Variants in TOX3 observed in about 807,000 individuals in gnomAD.
The protein encoded by TOX3 is TOX high mobility group box family member 3.
Under a neutral mutation model 64.3 loss-of-function variants are expected in TOX3, and 22 were observed. The observed-to-expected ratio is 0.34, with a 90% CI of 0.24 to 0.49. The LOEUF is 0.49. Ranked by LOEUF, TOX3 falls within the 20% of genes least tolerant of loss-of-function variation. The pLI is 0.99. For synonymous variants in TOX3, 291 were observed against 273.6 expected (o/e 1.06, Z -0.63); for missense variants, 661 against 714.4 (o/e 0.93, Z 0.85).
intron 1 of TOX3, among the ~76,000 whole-genome samples, chr16:52,525,360 C>T (rs1962707317): frequency 6.6e-6 from 1 of 152,088 alleles, no homozygotes; most frequent in Non-Finnish European, 1.5e-5. Context: ...GAGTGCCTAC[C>T]TAAATTACTA....
At chr16:52,491,826 T>C (rs1046825958) in intron 1 of TOX3, among the ~76,000 whole-genome samples, 6 of 152,132 alleles carry the variant, frequency 3.9e-5, no homozygotes, top group African/African-American at 1.2e-4. Flanking sequence ...ATTCCTTTGG[T>C]TGGGTTTCAC....
intron 1 of TOX3, among the ~76,000 whole-genome samples, chr16:52,528,668 A>G (rs1962781249): frequency 6.6e-6 from 1 of 152,150 alleles, no homozygotes; most frequent in South Asian, 2.1e-4. Context: ...GAACCAACCT[A>G]AGGGGGAAGG....
chr16:52,459,800 A>G (rs929952687), intron 3 of TOX3, among the ~76,000 whole-genome samples: 1 of 152,186 alleles, frequency 6.6e-6, no homozygotes, highest in African/African-American at 2.4e-5. Context: ...AAAGTCTGCT[A>G]TTTCTCTTAA....
At chr16:52,469,333 CAAAACGT>C (rs1290406094) in intron 1 of TOX3, among the ~76,000 whole-genome samples, 1 of 152,164 alleles carries the variant, frequency 6.6e-6, no homozygotes, top group Admixed American at 6.5e-5. Context: ...GACCTGTTAT[CAAAACGT>C]AAAACTTGGA....
chr16:52,474,822 C>T lies in TOX3; in HGVS notation c.88-6248G>A, dbSNP rs74702283. ...CTGCTCAAAACTCTCCAATGGCTTC[C>T]GATTCATTCAAGGGAGATGCCCAAT... On this transcript the variant is annotated intron_variant, in intron 1 of 6. Coordinates refer to ENST00000219746, the MANE Select transcript of TOX3 (RefSeq NM_001080430.4). 2.6e-3 allele frequency among the ~76,000 whole-genome samples: 389 copies of T among 152,170 alleles called. 3 individuals are homozygous for T. Among genetic ancestry groups the T allele is most frequent in the African/African-American group, 9.1e-3 (379 of 41,508 alleles).
At chr16:52,465,002 A>ATTTTTTTTTTTT (rs1340719697) in intron 2 of TOX3, among the ~76,000 whole-genome samples, 5 of 60,966 alleles carry the variant, frequency 8.2e-5, no homozygotes, top group Admixed American at 3.5e-4. Flanking sequence ...GTCTTAATGC[A>ATTTTTTTTTTTT]TTCTTTTTTT....
intron 1 of TOX3, among the ~76,000 whole-genome samples, chr16:52,482,501 A>C (rs1961395230): frequency 6.6e-6 from 1 of 152,208 alleles, no homozygotes; most frequent in South Asian, 2.1e-4. Context: ...GGGAGGAAAA[A>C]CAGATGTAAA....
intron 3 of TOX3, 46 bp from the exon 4 acceptor site, chr16:52,450,592 A>T (rs1387000551): frequency 1.2e-6 from 2 of 1,609,704 alleles, no homozygotes; most frequent in Admixed American, 1.7e-5. Flanking sequence ...GCTTTTCCAG[A>T]TATCAGTGAA....
At chr16:52,514,782 C>T (rs1306949234) in intron 1 of TOX3, among the ~76,000 whole-genome samples, 4 of 151,924 alleles carry the variant, frequency 2.6e-5, no homozygotes, top group East Asian at 1.9e-4. Flanking sequence ...GAGGCCAAGG[C>T]GGGTGGATCA....
intron 1 of TOX3, among the ~76,000 whole-genome samples, chr16:52,485,492 T>TG (rs1255981922): frequency 6.6e-6 from 1 of 151,818 alleles, no homozygotes; most frequent in Non-Finnish European, 1.5e-5. Flanking sequence ...AAAAGGACGT[T>TG]GGGGGGTGAT....
At chr16:52,521,767 T>C (rs747362271) in intron 1 of TOX3, among the ~76,000 whole-genome samples, 3 of 152,144 alleles carry the variant, frequency 2.0e-5, no homozygotes, top group Non-Finnish European at 4.4e-5. Flanking sequence ...TTGTTAGAAA[T>C]GCAAATTCTT....
chr16:52,474,198 T>A (rs1449363111), intron 1 of TOX3, among the ~76,000 whole-genome samples: 1 of 152,130 alleles, frequency 6.6e-6, no homozygotes, highest in African/African-American at 2.4e-5. Flanking sequence ...TCTCTCTCTG[T>A]CTCCCTTCCT....
intron 1 of TOX3, among the ~76,000 whole-genome samples, chr16:52,485,497 G>T (rs1338035997): frequency 1.3e-5 from 2 of 151,718 alleles, no homozygotes; most frequent in African/African-American, 4.9e-5. Context: ...GACGTTGGGG[G>T]GTGATGAAGG....
At position 52,439,783 on chromosome 16, in the gene TOX3, T is replaced by C. The variant is rs2151737296; in HGVS notation, c.1173A>G (p.Arg391=). The change falls in exon 7 of 7, where the codon AGA becomes AGG. Residue 391 remains arginine, a synonymous_variant. Transcript: ENST00000219746. ...ATGTGACAATCTGGTTCATGGGGAG[T>C]CTCATGGTTAAGGGTTTGGGAGCGA... ...RSIAPKPLTM[R]LPMNQIVTSV... The C allele has an allele frequency of 1.9e-6, 3 of 1,613,388 alleles. No homozygotes were observed. The highest frequency in any genetic ancestry group is 2.5e-6 in the Non-Finnish European group (3 of 1,179,756).
At chr16:52,531,086 G>A (rs943504480) in intron 1 of TOX3, among the ~76,000 whole-genome samples, 25 of 152,080 alleles carry the variant, frequency 1.6e-4, no homozygotes, top group East Asian at 1.2e-3. Flanking sequence ...TACCCCACTG[G>A]CAATTAGAAA....
intron 1 of TOX3, among the ~76,000 whole-genome samples, chr16:52,528,195 T>C (rs997145561): frequency 6.6e-6 from 1 of 152,180 alleles, no homozygotes; most frequent in Non-Finnish European, 1.5e-5. Flanking sequence ...CTTAGGATGT[T>C]AACAATATTT....
In TOX3 at chr16:52,547,119, G is replaced by C; in HGVS notation, c.-396C>G. 4.9e-6 allele frequency: 1 copy of C among 203,010 alleles called. No homozygotes were observed. Among genetic ancestry groups the C allele is most frequent in the Non-Finnish European group, 8.5e-6 (1 of 117,210 alleles). The allele number at this position is 203,010 out of a possible 1,614,324, so 12.6% of individuals were successfully genotyped here. A position where few individuals can be genotyped will look rare whatever the true frequency, so the allele number is the denominator to read the frequency against. On this transcript the variant is annotated 5_prime_UTR_variant, in exon 1 of 7. Transcript: ENST00000219746. ...CGCTCCTCCTCCTCCTCCCCGGGCG[G>C]ACTGAGGAGACGAGCCGCGGAGACA...
chr16:52,468,393 T>C, intron 2 of TOX3, 116 bp downstream of exon 2: 1 of 830,482 alleles, frequency 1.2e-6, no homozygotes, highest in Non-Finnish European at 1.9e-6. Context: ...CCAAAGTAGT[T>C]ACCTTGTGCC....
chr16:52,446,255 T>G, intron 4 of TOX3, 34 bp from the exon 5 acceptor site: 3 of 1,597,724 alleles, frequency 1.9e-6, no homozygotes, highest in Non-Finnish European at 2.6e-6. Flanking sequence ...CTGCCTAGAA[T>G]GTACTTGCAG....
Sources: allele counts gnomAD v4.1 joint callset (sites outside exome capture counted in the v4.1 genomes callset), GRCh38; gene constraint gnomAD v4.1.1; transcripts MANE v1.5; gene names NCBI Gene and HGNC (gene_info 2026-07-23, HGNC 2026-07-21).